UBE2H: variants seen among roughly 807,000 people sequenced by gnomAD.
The protein encoded by UBE2H is ubiquitin conjugating enzyme E2 H.
A neutral mutation model predicts 29.0 loss-of-function variants in UBE2H; 3 were observed. That is an observed-to-expected ratio of 0.10 (90% CI 0.05 to 0.27). UBE2H has a LOEUF of 0.27. Ranked by LOEUF, UBE2H falls within the 10% of genes least tolerant of loss-of-function variation. The pLI is 1.00. For missense variants in UBE2H, 68 were observed against 228.2 expected (o/e 0.30, Z 4.52); for synonymous variants, 69 against 82.9 (o/e 0.83, Z 0.91).
chr7:129,888,842 T>C (rs1469378108), intron 1 of UBE2H, among the ~76,000 whole-genome samples: 1 of 152,194 alleles, frequency 6.6e-6, no homozygotes, highest in Non-Finnish European at 1.5e-5. Flanking sequence ...ACACGAGATC[T>C]GTTCATTAAG....
rs553863839 is a variant in UBE2H, at chr7:129,842,493, T to A, written c.299-3158A>T. Among the ~76,000 whole-genome samples, 64 of 152,326 alleles carry A rather than the reference T, an allele frequency of 4.2e-4. 1 individual carries two copies. Among genetic ancestry groups the A allele is most frequent in the African/African-American group, 1.5e-3 (63 of 41,572 alleles). ...AATATGTCCTTTCTATTTTGGCATA[T>A]GTTTGAAATATCCAATAAAACATGA... On this transcript the variant is annotated intron_variant, in intron 5 of 6. Transcript: ENST00000355621.
At chr7:129,838,699 G>A (rs909715698) in intron 6 of UBE2H, among the ~76,000 whole-genome samples, 1 of 152,046 alleles carries the variant, frequency 6.6e-6, no homozygotes, top group African/African-American at 2.4e-5. Context: ...GAGTACAATG[G>A]CACAGTCTAG....
chr7:129,925,574 C>T (rs1041960504), intron 1 of UBE2H, among the ~76,000 whole-genome samples: 4 of 152,092 alleles, frequency 2.6e-5, no homozygotes, highest in East Asian at 3.8e-4. Context: ...ATCAAAACCC[C>T]GATTGTATTC....
In UBE2H at chr7:129,849,926, G is replaced by A. The variant is rs1355652571; in HGVS notation, c.298+7585C>T. Among the ~76,000 whole-genome samples, 4 of 152,298 alleles carry A rather than the reference G, an allele frequency of 2.6e-5. No individual in the cohort carries two copies. The East Asian group carries it at 5.8e-4, about 22-fold the overall frequency. On this transcript the variant is annotated intron_variant, in intron 5 of 6. Transcript: ENST00000355621. The stretch of plus-strand genomic sequence containing the variant: ...CACATATCTTCTCATATTAGCCCAT[G>A]GGGATCTTTAAAAGATAAAGTCTTA...
At chr7:129,865,651 A>C (rs1805889896) in intron 3 of UBE2H, among the ~76,000 whole-genome samples, 1 of 152,246 alleles carries the variant, frequency 6.6e-6, no homozygotes. Flanking sequence ...GCTGTGGCTG[A>C]TGCAATTGCA....
intron 5 of UBE2H, among the ~76,000 whole-genome samples, chr7:129,853,777 T>G (rs1805654158): frequency 6.6e-6 from 1 of 152,198 alleles, no homozygotes; most frequent in South Asian, 2.1e-4. Flanking sequence ...CTAAATTTAC[T>G]GCTAACATGA....
At chr7:129,865,178 C>A in intron 3 of UBE2H, 1 of 333,612 alleles carries the variant, frequency 3.0e-6, no homozygotes, top group Admixed American at 3.6e-5. Context: ...TGTTCCACTC[C>A]AATACTCAAC....
intron 3 of UBE2H, among the ~76,000 whole-genome samples, chr7:129,863,034 C>T (rs983489056): frequency 6.6e-6 from 1 of 152,160 alleles, no homozygotes; most frequent in Non-Finnish European, 1.5e-5. Context: ...TTAAGTCAAG[C>T]AAATAACTAT....
In UBE2H at chr7:129,879,623, T is replaced by C. The variant is rs752667933; in HGVS notation, c.150A>G (p.Val50=). The C allele has an allele frequency of 1.2e-6, 2 of 1,613,254 alleles. No homozygotes were observed. Among genetic ancestry groups the C allele is most frequent in the South Asian group, 1.1e-5 (1 of 90,894 alleles). The change falls in exon 3 of 7, where the codon GTA becomes GTG. Residue 50 remains valine, a synonymous_variant. Coordinates refer to ENST00000355621, the MANE Select transcript of UBE2H (RefSeq NM_003344.4). ...GPQGTPYEGG[V]WKVRVDLPDK... is the part of the protein sequence containing the mutation. The stretch of plus-strand genomic sequence containing the variant: ...CAGGTAGGTCCACTCTAACTTTCCA[T>C]ACTCCGCCTTCATATGGTGCTGAAA...
chr7:129,935,359 G>A (rs1033097275), intron 1 of UBE2H, among the ~76,000 whole-genome samples: 3 of 150,320 alleles, frequency 2.0e-5, no homozygotes, highest in South Asian at 4.2e-4. Context: ...GTCATAGTGA[G>A]CTGACATCAC....
At chr7:129,924,060 C>G (rs1208617007) in intron 1 of UBE2H, among the ~76,000 whole-genome samples, 1 of 152,174 alleles carries the variant, frequency 6.6e-6, no homozygotes, top group Non-Finnish European at 1.5e-5. Flanking sequence ...ATTATGAACA[C>G]TGGATAGCAT....
chr7:129,913,614 TTA>T (rs538850925), intron 1 of UBE2H, among the ~76,000 whole-genome samples: 15 of 152,312 alleles, frequency 9.8e-5, no homozygotes, highest in African/African-American at 3.6e-4. Flanking sequence ...TCCATCCATT[TTA>T]CAGATGAGGA....
chr7:129,879,704 T>C, intron 2 of UBE2H, 62 bp from the exon 3 acceptor site: 1 of 1,471,362 alleles, frequency 6.8e-7, no homozygotes, highest in African/African-American at 1.4e-5. Flanking sequence ...TAAATCTGAG[T>C]GTAAATTAAA....
Position 129,880,876 on chromosome 7 carries a change from T to C in UBE2H, c.130+19A>G, listed in dbSNP as rs1806239652. On this transcript the variant is annotated intron_variant, in intron 2 of 6. Transcript: ENST00000355621. ...TAAAAGACTGTAATAGAAGAACACA[T>C]ACCAACACATGTACTTACTTCCTTG... The C allele has an allele frequency of 1.2e-6, 2 of 1,600,026 alleles. No individual in the cohort carries two copies. The highest frequency in any genetic ancestry group is 1.3e-5 in the African/African-American group (1 of 74,542).
At chr7:129,878,247 AGC>A (rs1358517840) in intron 3 of UBE2H, among the ~76,000 whole-genome samples, 1 of 152,172 alleles carries the variant, frequency 6.6e-6, no homozygotes, top group Non-Finnish European at 1.5e-5. Context: ...AACACCTCAC[AGC>A]TCCACTCCCA....
At chr7:129,857,200 G>T in intron 5 of UBE2H, 1 of 284,458 alleles carries the variant, frequency 3.5e-6, no homozygotes, top group Non-Finnish European at 6.5e-6. Context: ...TATATATTAT[G>T]TGCTAATACA....
chr7:129,857,367 C>A, intron 5 of UBE2H, 144 bp downstream of exon 5: 2 of 731,262 alleles, frequency 2.7e-6, no homozygotes, highest in Admixed American at 3.1e-5. Context: ...ACATTTTTTC[C>A]ACTGATCAAA....
chr7:129,872,123 G>T (rs962491186), intron 3 of UBE2H, among the ~76,000 whole-genome samples: 1 of 152,124 alleles, frequency 6.6e-6, no homozygotes, highest in Non-Finnish European at 1.5e-5. Flanking sequence ...CCAACGTGCT[G>T]GTATTACGGG....
chr7:129,838,610 G>GA (rs1489863828), intron 6 of UBE2H, among the ~76,000 whole-genome samples: 2 of 152,040 alleles, frequency 1.3e-5, no homozygotes, highest in African/African-American at 4.8e-5. Context: ...AGGTAAAATG[G>GA]AAAATCCAAT....
Sources: allele counts gnomAD v4.1 joint callset (sites outside exome capture counted in the v4.1 genomes callset), GRCh38; gene constraint gnomAD v4.1.1; transcripts MANE v1.5; gene names NCBI Gene and HGNC (gene_info 2026-07-23, HGNC 2026-07-21).